Variants in HMCN2 observed in about 807,000 individuals in gnomAD.
HMCN2 encodes hemicentin 2, also known as hemicentin-2.
In HMCN2, 325 loss-of-function variants were observed where a neutral mutation model predicts 377.5. That is an observed-to-expected ratio of 0.86 (90% CI 0.79 to 0.94). The LOEUF (loss-of-function observed/expected upper bound fraction) is 0.94. Among genes scored for constraint, HMCN2 ranks in the 40% least tolerant of loss-of-function variants. The probability of loss-of-function intolerance (pLI) is 0.00; values close to 1 mark genes in which losing one functional copy is unlikely to be tolerated. For missense variants in HMCN2, 4,543 were observed against 4,725.3 expected (o/e 0.96, Z 1.13); for synonymous variants, 2,007 against 2,046.8 (o/e 0.98, Z 0.53).
At chr9:130,328,691 G>A (rs1838271621) in intron 22 of HMCN2, among the ~76,000 whole-genome samples, 1 of 152,162 alleles carries the variant, frequency 6.6e-6, no homozygotes, top group Non-Finnish European at 1.5e-5. Context: ...CTGGAGTTCC[G>A]CAGACCCGGT....
chr9:130,330,558 C>T (rs1463675367), intron 22 of HMCN2, among the ~76,000 whole-genome samples: 4 of 152,024 alleles, frequency 2.6e-5, no homozygotes, highest in South Asian at 2.1e-4. Flanking sequence ...CAGGGACACA[C>T]GTATCAGGTG....
In HMCN2 at chr9:130,323,791, T is replaced by C. The variant is rs1483830076; in HGVS notation, c.2921-1804T>C. 7.2e-5 allele frequency among the ~76,000 whole-genome samples: 11 copies of C among 152,112 alleles called. No homozygotes were observed. The East Asian group carries it at 1.5e-3, about 21-fold the overall frequency. On this transcript the variant is annotated intron_variant, in intron 19 of 97. Transcript: ENST00000683500. Reference sequence around the variant, plus strand: ...GATCTTGGCTCACTGCCACCTCCACTTCCCGGGTTCAAGCGATTCTCCTGC... The same window carrying C: ...GATCTTGGCTCACTGCCACCTCCACCTCCCGGGTTCAAGCGATTCTCCTGC...
In HMCN2 at chr9:130,408,783, G is replaced by A; in HGVS notation, c.12729G>A (p.Val4243=). 7.8e-7 allele frequency: 1 copy of A among 1,289,586 alleles called. No individual in the cohort carries two copies. The highest frequency in any genetic ancestry group is 1.0e-6 in the Non-Finnish European group (1 of 988,732). The allele number at this position is 1,289,586 out of a possible 1,614,324, so 79.9% of individuals were successfully genotyped here. Residue 4243 remains valine, a synonymous_variant, in exon 84 of 98, where the codon GTG becomes GTA. Coordinates refer to ENST00000683500, the MANE Select transcript of HMCN2 (RefSeq NM_001291815.2). ...VLQGEAFSYL[V]EPVGGSIQLD... is the part of the protein sequence containing the mutation. ...AAGGGGAGGCTTTCTCCTACCTGGT[G>A]GAACCTGTAGGAGGCAGCATTCAGC...
At position 130,393,686 on chromosome 9, in the gene HMCN2, T is replaced by A; in HGVS notation, c.10235-56T>A. On this transcript the variant is annotated intron_variant, in intron 67 of 97. Coordinates refer to ENST00000683500, the MANE Select transcript of HMCN2 (RefSeq NM_001291815.2). This position sits in a 1 kb window ranked among gnomAD's most constrained non-coding sequence, Gnocchi z 5.2. ...AAGAGGTGATGTCTAAGCTGAGTAC[T>A]GGAGATGAGAGTCCTGGAATAAAAT... 1 of 1,200,268 alleles carries A rather than the reference T, an allele frequency of 8.3e-7. No individual in the cohort carries two copies. Among genetic ancestry groups the A allele is most frequent in the South Asian group, 1.5e-5 (1 of 66,176 alleles). The allele number at this position is 1,200,268 out of a possible 1,614,324, so 74.4% of individuals were successfully genotyped here.
At chr9:130,329,877 G>A (rs1245990859) in intron 22 of HMCN2, among the ~76,000 whole-genome samples, 5 of 151,526 alleles carry the variant, frequency 3.3e-5, no homozygotes, top group African/African-American at 1.2e-4. Flanking sequence ...CACCCCCTCC[G>A]TCCCTCAGTG....
In HMCN2 at chr9:130,384,470, C is replaced by G. The variant is rs902269834; in HGVS notation, c.8928C>G (p.Pro2976=). ...LPCDVHAHPN[P]EVTWYKDSQA... is the part of the protein sequence containing the mutation. ...GCGACGTCCACGCTCACCCAAACCC[C>G]GAGGTCACGTGGTACAAGGACAGCC... Residue 2976 remains proline, a synonymous_variant, in exon 58 of 98, where the codon CCC becomes CCG. Coordinates refer to ENST00000683500, the MANE Select transcript of HMCN2 (RefSeq NM_001291815.2). 17 of 1,304,232 alleles carry G rather than the reference C, an allele frequency of 1.3e-5. No individual in the cohort carries two copies. Among genetic ancestry groups the G allele is most frequent in the Non-Finnish European group, 1.7e-5 (17 of 988,948 alleles). The allele number at this position is 1,304,232 out of a possible 1,614,324, so 80.8% of individuals were successfully genotyped here.
chr9:130,322,835 AC>A (rs1444919594), intron 19 of HMCN2, among the ~76,000 whole-genome samples: 2 of 152,198 alleles, frequency 1.3e-5, no homozygotes, highest in Non-Finnish European at 2.9e-5. Context: ...GTAAGATGAG[AC>A]ATTTCAAATT....
chr9:130,370,992 C>G lies in HMCN2; in HGVS notation c.7098C>G (p.Asp2366Glu), dbSNP rs1219742230. 2.0e-6 allele frequency: 2 copies of G among 986,136 alleles called. No individual in the cohort carries two copies. The highest frequency in any genetic ancestry group is 2.3e-4 in the East Asian group (2 of 8,826). 61.1% of individuals were successfully genotyped at this position (986,136 alleles called of 1,614,324 possible). Residue 2366 changes from aspartate (D) to glutamate (E), a missense_variant, in exon 46 of 98, where the codon GAC becomes GAG. By Grantham distance (45) the Asp-to-Glu change is conservative. This residue lies in a region of HMCN2 where 1,032 missense variants were observed against 1,285.1 expected (regional missense o/e 0.80). Transcript: ENST00000683500. ...LVPPELIGDL[D>E]PLTNITAALH... ...CCCCAGAGCTCATTGGAGACTTGGA[C>G]CCGCTGACCAACATCACTGCTGCCT...
chr9:130,432,910 T>C, intron 97 of HMCN2: 1 of 363,540 alleles, frequency 2.8e-6, no homozygotes, highest in South Asian at 4.6e-5. Context: ...TGGAAAGGTT[T>C]CTCCCGGCGG....
intron 89 of HMCN2, 145 bp from the exon 90 acceptor site, chr9:130,425,542 G>A: frequency 1.5e-6 from 1 of 658,554 alleles, no homozygotes; most frequent in Non-Finnish European, 2.7e-6. Flanking sequence ...CTTCTCCCAA[G>A]CCTCCTCAAG....
chr9:130,317,171 G>A (rs1450288439), intron 15 of HMCN2, among the ~76,000 whole-genome samples: 1 of 152,172 alleles, frequency 6.6e-6, no homozygotes, highest in Non-Finnish European at 1.5e-5. Context: ...CTGGGCTTTA[G>A]CATTGGACAG....
chr9:130,365,579 C>A, intron 41 of HMCN2, 52 bp from the exon 42 acceptor site: 1 of 868,346 alleles, frequency 1.2e-6, no homozygotes, highest in Non-Finnish European at 1.4e-6. Context: ...CTGTCCAGGG[C>A]TCACCCATCT....
intron 14 of HMCN2, among the ~76,000 whole-genome samples, chr9:130,309,280 G>C (rs191968987): frequency 6.6e-6 from 1 of 152,098 alleles, no homozygotes; most frequent in Admixed American, 6.5e-5. Flanking sequence ...TTGGGAGCCC[G>C]AGGTGGGCAG....
chr9:130,273,189 A>T (rs1304910276), intron 1 of HMCN2, among the ~76,000 whole-genome samples: 1 of 149,636 alleles, frequency 6.7e-6, no homozygotes, highest in Non-Finnish European at 1.5e-5. Context: ...TGGTTTTGTT[A>T]CTATTTTGCC....
intron 22 of HMCN2, among the ~76,000 whole-genome samples, chr9:130,329,568 G>A (rs997102378): frequency 2.6e-5 from 4 of 151,192 alleles, no homozygotes; most frequent in Non-Finnish European, 2.9e-5. Flanking sequence ...TTAGGCTCCC[G>A]AGTAGCTGGG....
At position 130,266,952 on chromosome 9, in the gene HMCN2, CT is replaced by C. The variant is rs10561462; in HGVS notation, c.259+826del. ...AGGAGCAGGACTGCTTTCCACACTT[CT>C]TTTTTTTTTTGAGACAAGGTCTGGC... is the stretch of plus-strand genomic sequence containing the variant. On this transcript the variant is annotated intron_variant, in intron 1 of 97. Coordinates refer to ENST00000683500, the MANE Select transcript of HMCN2 (RefSeq NM_001291815.2). Among the ~76,000 whole-genome samples the C allele has an allele frequency of 9.8e-3, 1,462 of 149,200 alleles. 11 individuals carry two copies. The highest frequency in any genetic ancestry group is 0.013 in the Non-Finnish European group (883 of 66,918).
chr9:130,281,469 A>C (rs1238156916), intron 1 of HMCN2, among the ~76,000 whole-genome samples: 1 of 151,666 alleles, frequency 6.6e-6, no homozygotes, highest in Non-Finnish European at 1.5e-5. Context: ...ATGGCGGTAC[A>C]CCTCTGTAAT....
intron 54 of HMCN2, among the ~76,000 whole-genome samples, chr9:130,381,108 C>T (rs1841693032): frequency 6.6e-6 from 1 of 152,198 alleles, no homozygotes; most frequent in Non-Finnish European, 1.5e-5. Flanking sequence ...GTTCTCTAAT[C>T]CTGAGAAAAT....
chr9:130,393,607 G>A lies in HMCN2; in HGVS notation c.10235-135G>A. The A allele has an allele frequency of 1.4e-6, 1 of 718,124 alleles. No individual in the cohort carries two copies. The highest frequency in any genetic ancestry group is 1.9e-6 in the Non-Finnish European group (1 of 524,328). The allele number at this position is 718,124 out of a possible 1,614,324, so 44.5% of individuals were successfully genotyped here. A position where few individuals can be genotyped will look rare whatever the true frequency, so the allele number is the denominator to read the frequency against. On this transcript the variant is annotated intron_variant, in intron 67 of 97. Coordinates refer to ENST00000683500, the MANE Select transcript of HMCN2 (RefSeq NM_001291815.2). The surrounding 1 kb of genome is among the most constrained non-coding windows in gnomAD (Gnocchi z 5.2). ...CCAGGGGATGGAGAGGATGCTGTGGGAGCACAGAGGAGGGCACCTCACCTG... is the reference window on the plus strand; with the variant it reads ...CCAGGGGATGGAGAGGATGCTGTGGAAGCACAGAGGAGGGCACCTCACCTG...
Sources: gnomAD v4.1 joint callset for allele counts (sites outside exome capture counted in the v4.1 genomes callset) on GRCh38, gnomAD v4.1.1 for gene constraint, gnomAD v4.1.1 regional missense constraint, Gnocchi (gnomAD v3.1) non-coding constraint, MANE v1.5 for transcripts, NCBI Gene and HGNC (gene_info 2026-07-23, HGNC 2026-07-21) for gene names.